Variants in TCF7L2 observed in about 807,000 individuals in gnomAD.
TCF7L2 encodes transcription factor 7 like 2.
A neutral mutation model predicts 77.9 loss-of-function variants in TCF7L2; 23 were observed. That is an observed-to-expected ratio of 0.30 (90% confidence interval 0.21 to 0.42). TCF7L2 has a LOEUF of 0.42. TCF7L2 is among the 10% of genes least tolerant of loss of function. TCF7L2 has a pLI of 1.00. For missense variants in TCF7L2, 654 were observed against 793.1 expected (o/e 0.82, Z 2.11); for synonymous variants, 413 against 340.2 (o/e 1.21, Z -2.36).
At chr10:113,034,768 C>T (rs1367405214) in intron 4 of TCF7L2, among the ~76,000 whole-genome samples, 15 of 152,132 alleles carry the variant, frequency 9.9e-5, no homozygotes, top group African/African-American at 2.7e-4. Flanking sequence ...TGGTGATACG[C>T]GCCTGTAATC....
chr10:113,034,322 A>C (rs2050758245), intron 4 of TCF7L2, among the ~76,000 whole-genome samples: 1 of 152,134 alleles, frequency 6.6e-6, no homozygotes, highest in South Asian at 2.1e-4. Flanking sequence ...TGATATGAGA[A>C]TCATAATCGT....
chr10:113,027,461 C>T (rs2049387386), intron 4 of TCF7L2, among the ~76,000 whole-genome samples: 1 of 152,150 alleles, frequency 6.6e-6, no homozygotes, highest in Non-Finnish European at 1.5e-5. Context: ...CTCCTCAAAT[C>T]ACCCACTTTG....
intron 5 of TCF7L2, among the ~76,000 whole-genome samples, chr10:113,140,173 G>A (rs1031577447): frequency 1.3e-5 from 2 of 152,062 alleles, no homozygotes; most frequent in Non-Finnish European, 1.5e-5. Context: ...CCAGTAGTTC[G>A]CTTGTTTCAG....
At chr10:113,102,170 A>C (rs2061738733) in intron 5 of TCF7L2, among the ~76,000 whole-genome samples, 1 of 146,002 alleles carries the variant, frequency 6.8e-6, no homozygotes, top group African/African-American at 2.5e-5. Context: ...TTTGGTACTC[A>C]GTGTCTAGGA....
chr10:113,102,570 G>A (rs907602943), intron 5 of TCF7L2, among the ~76,000 whole-genome samples: 1 of 151,818 alleles, frequency 6.6e-6, no homozygotes, highest in African/African-American at 2.4e-5. Flanking sequence ...GATTACACGT[G>A]CCCACCATCA....
intron 5 of TCF7L2, among the ~76,000 whole-genome samples, chr10:113,076,282 T>A (rs1468038405): frequency 6.6e-6 from 1 of 152,006 alleles, no homozygotes; most frequent in Non-Finnish European, 1.5e-5. Context: ...GGACTATAGG[T>A]GTGAATTACC....
intron 5 of TCF7L2, among the ~76,000 whole-genome samples, chr10:113,043,739 G>C (rs1263022961): frequency 1.3e-5 from 2 of 151,822 alleles, no homozygotes; most frequent in Non-Finnish European, 2.9e-5. Flanking sequence ...TTTCTTTCTT[G>C]GTGGAGTTTT....
Position 113,146,032 on chromosome 10 carries a change from A to G in TCF7L2, c.810A>G (p.Pro270=). ...GTAGGCAAGGTCAACCAGTGTACCC[A>G]ATCACGACAGGAGGATTCAGACACC... The change falls in exon 8 of 14, where the codon CCA becomes CCG. Residue 270 remains proline, a synonymous_variant. Coordinates refer to ENST00000627217, the MANE Select transcript of TCF7L2 (RefSeq NM_001146274.2). 1 of 1,594,636 alleles carries G rather than the reference A, an allele frequency of 6.3e-7. No homozygotes were observed. Among genetic ancestry groups the G allele is most frequent in the Middle Eastern group, 1.7e-4 (1 of 5,990 alleles).
At chr10:113,025,460 A>G (rs2048987844) in intron 4 of TCF7L2, among the ~76,000 whole-genome samples, 1 of 152,076 alleles carries the variant, frequency 6.6e-6, no homozygotes, top group African/African-American at 2.4e-5. Flanking sequence ...GTTGGTCTTG[A>G]ACTCCTGAAC....
intron 5 of TCF7L2, among the ~76,000 whole-genome samples, chr10:113,106,568 A>G (rs1460240217): frequency 1.3e-5 from 2 of 152,154 alleles, no homozygotes; most frequent in Non-Finnish European, 2.9e-5. Flanking sequence ...CCGGGTGTTG[A>G]TATGATGATC....
At chr10:113,146,615 GTTT>G (rs954735201) in intron 8 of TCF7L2, among the ~76,000 whole-genome samples, 30 of 147,306 alleles carry the variant, frequency 2.0e-4, no homozygotes, top group African/African-American at 7.2e-4. Flanking sequence ...TTTTAAAAAA[GTTT>G]TTGTTTTTTT....
intron 7 of TCF7L2, among the ~76,000 whole-genome samples, chr10:113,145,149 A>G (rs947104549): frequency 3.3e-5 from 5 of 150,306 alleles, no homozygotes; most frequent in South Asian, 2.1e-4. Context: ...AGATTGCATT[A>G]TGTAGTAGCT....
At chr10:113,012,788 T>G (rs867766938) in intron 4 of TCF7L2, among the ~76,000 whole-genome samples, 1 of 152,178 alleles carries the variant, frequency 6.6e-6, no homozygotes, top group Admixed American at 6.5e-5. Context: ...GGGGTTATCT[T>G]AAGTGTTTGA....
intron 4 of TCF7L2, among the ~76,000 whole-genome samples, chr10:112,978,833 A>G (rs1251948235): frequency 4.6e-5 from 7 of 151,842 alleles, no homozygotes; most frequent in Non-Finnish European, 1.0e-4. Flanking sequence ...TAAAATATAC[A>G]TATATATTTT....
At chr10:112,969,532 T>G (rs1404211677) in intron 4 of TCF7L2, among the ~76,000 whole-genome samples, 1 of 152,230 alleles carries the variant, frequency 6.6e-6, no homozygotes, top group Non-Finnish European at 1.5e-5. Context: ...GGGGTAAATG[T>G]GTGTTTAGTC....
intron 8 of TCF7L2, among the ~76,000 whole-genome samples, chr10:113,150,289 G>T (rs1189573128): frequency 5.3e-5 from 8 of 150,804 alleles, no homozygotes; most frequent in African/African-American, 1.9e-4. Context: ...AGAATCAAAG[G>T]TTTATTGTGT....
chr10:113,112,682 A>G (rs982557238), intron 5 of TCF7L2, among the ~76,000 whole-genome samples: 1 of 152,254 alleles, frequency 6.6e-6, no homozygotes, highest in African/African-American at 2.4e-5. Flanking sequence ...AAAGTCCACC[A>G]AAACATCATT....
chr10:113,132,530 T>C (rs568780801), intron 5 of TCF7L2, among the ~76,000 whole-genome samples: 2 of 152,298 alleles, frequency 1.3e-5, no homozygotes, highest in Admixed American at 1.3e-4. Context: ...TTTGGGGTTG[T>C]TGTATTTGGT....
chr10:112,985,687 A>C (rs2041351852), intron 4 of TCF7L2, among the ~76,000 whole-genome samples: 1 of 152,120 alleles, frequency 6.6e-6, no homozygotes, highest in Non-Finnish European at 1.5e-5. Context: ...TTTGGGTGGA[A>C]GGGTCCTCGA....
Sources: gnomAD v4.1 joint callset for allele counts (sites outside exome capture counted in the v4.1 genomes callset) on GRCh38, gnomAD v4.1.1 for gene constraint, MANE v1.5 for transcripts, NCBI Gene and HGNC (gene_info 2026-07-23, HGNC 2026-07-21) for gene names.